EPHA7: variants seen among roughly 807,000 people sequenced by gnomAD.
EPHA7 encodes ephrin type-A receptor 7.
In EPHA7, 25 loss-of-function variants were observed where a neutral mutation model predicts 112.6. The observed-to-expected ratio is 0.22, with a 90% CI of 0.16 to 0.31. EPHA7 has a LOEUF of 0.31. EPHA7 is among the 10% of genes least tolerant of loss of function. The probability of loss-of-function intolerance (pLI) is 1.00; values close to 1 mark genes in which losing one functional copy is unlikely to be tolerated. For missense variants in EPHA7, 962 were observed against 1,212.6 expected (o/e 0.79, Z 3.07); for synonymous variants, 437 against 406.5 (o/e 1.07, Z -0.90).
In EPHA7 at chr6:93,249,906, G is replaced by A. The variant is rs183638418; in HGVS notation, c.2533-2921C>T. ...TTAAGTTTTTGTAGCACTGAACATA[G>A]GACCATTAAATGATTATTAGAAAAA... On this transcript the variant is annotated intron_variant, in intron 14 of 16. Coordinates refer to ENST00000369303, the MANE Select transcript of EPHA7 (RefSeq NM_004440.4). 3.1e-3 allele frequency among the ~76,000 whole-genome samples: 478 copies of A among 152,050 alleles called. 1 individual carries two copies. Among genetic ancestry groups the A allele is most frequent in the Non-Finnish European group, 5.7e-3 (386 of 67,982 alleles).
intron 5 of EPHA7, among the ~76,000 whole-genome samples, chr6:93,316,090 G>C (rs990824525): frequency 1.3e-5 from 2 of 152,154 alleles, no homozygotes; most frequent in Non-Finnish European, 2.9e-5. Context: ...AAATGAAATA[G>C]CTGTGCTAAC....
rs75438227 is a variant in EPHA7 at position 93,388,927 on chromosome 6, C to T, written c.832+21574G>A. On this transcript the variant is annotated intron_variant, in intron 3 of 16. Transcript: ENST00000369303. Reference sequence around the variant, plus strand: ...ATTGAATTTGCAATTTAAAAAATGACGCTGGAGAGTGAGTAGAAAAAATAA... The same window carrying T: ...ATTGAATTTGCAATTTAAAAAATGATGCTGGAGAGTGAGTAGAAAAAATAA... Among the ~76,000 whole-genome samples, 571 of 151,864 alleles carry T rather than the reference C, an allele frequency of 3.8e-3. 10 individuals are homozygous for T. Among genetic ancestry groups the T allele is most frequent in the East Asian group, 0.015 (75 of 5,162 alleles).
intron 5 of EPHA7, among the ~76,000 whole-genome samples, chr6:93,346,037 C>T (rs1189346288): frequency 2.0e-5 from 3 of 151,656 alleles, no homozygotes; most frequent in Admixed American, 2.0e-4. Context: ...CTTTCACCTA[C>T]ATTTCATAGC....
intron 15 of EPHA7, 92 bp downstream of exon 15, chr6:93,246,700 T>A: frequency 9.1e-7 from 1 of 1,103,236 alleles, no homozygotes; most frequent in South Asian, 1.7e-5. Flanking sequence ...AACACAAAAG[T>A]CAATTTGCCA....
At chr6:93,312,058 TA>T (rs1773569764) in intron 5 of EPHA7, among the ~76,000 whole-genome samples, 1 of 152,172 alleles carries the variant, frequency 6.6e-6, no homozygotes, top group Non-Finnish European at 1.5e-5. Flanking sequence ...ATTGATACAC[TA>T]ATAGAACACA....
At chr6:93,375,466 T>TA (rs1332459362) in intron 3 of EPHA7, among the ~76,000 whole-genome samples, 5 of 150,004 alleles carry the variant, frequency 3.3e-5, no homozygotes, top group Admixed American at 6.7e-5. Context: ...AAAATAAAAA[T>TA]AAAAAAAATA....
chr6:93,277,489 T>TA (rs887128907), intron 5 of EPHA7, among the ~76,000 whole-genome samples: 4 of 151,966 alleles, frequency 2.6e-5, no homozygotes, highest in African/African-American at 7.2e-5. Flanking sequence ...CAATTTTAGC[T>TA]AAAAAAATAA....
intron 3 of EPHA7, among the ~76,000 whole-genome samples, chr6:93,407,722 G>T (rs1778788874): frequency 6.6e-6 from 1 of 151,878 alleles, no homozygotes; most frequent in Non-Finnish European, 1.5e-5. Flanking sequence ...AGATGACAGT[G>T]GAGTAATTTT....
At chr6:93,288,104 C>G (rs150677752) in intron 5 of EPHA7, among the ~76,000 whole-genome samples, 1 of 152,080 alleles carries the variant, frequency 6.6e-6, no homozygotes, top group Non-Finnish European at 1.5e-5. Flanking sequence ...AATGAAAACA[C>G]AGGTCCACAC....
At chr6:93,291,767 CAAAAAAAAA>C (rs66483422) in intron 5 of EPHA7, among the ~76,000 whole-genome samples, 2 of 71,696 alleles carry the variant, frequency 2.8e-5, no homozygotes, top group Non-Finnish European at 4.9e-5. Context: ...GACTCCGTCT[CAAAAAAAAA>C]AAAAAAAAAA....
At chr6:93,248,405 G>C (rs891620304) in intron 14 of EPHA7, among the ~76,000 whole-genome samples, 2 of 151,890 alleles carry the variant, frequency 1.3e-5, no homozygotes, top group Admixed American at 1.3e-4. Context: ...AAAGTAAATA[G>C]ATGGACTTAG....
chr6:93,361,897 A>C (rs557814918), intron 3 of EPHA7, among the ~76,000 whole-genome samples: 1 of 152,112 alleles, frequency 6.6e-6, no homozygotes, highest in African/African-American at 2.4e-5. Context: ...TACAAAATAT[A>C]GCATTGTAAC....
chr6:93,419,192 G>A (rs1779404532), intron 1 of EPHA7, 53 bp downstream of exon 1: 1 of 1,481,328 alleles, frequency 6.8e-7, no homozygotes, highest in African/African-American at 1.4e-5. Context: ...GCTTGTGCAG[G>A]TAGACATCTA....
chr6:93,391,229 A>T (rs1251951330), intron 3 of EPHA7, among the ~76,000 whole-genome samples: 3 of 151,964 alleles, frequency 2.0e-5, no homozygotes, highest in Admixed American at 2.0e-4. Context: ...GTTCTGAAAG[A>T]TGGAACTACA....
chr6:93,314,982 C>A (rs1773729686), intron 5 of EPHA7, among the ~76,000 whole-genome samples: 1 of 148,140 alleles, frequency 6.8e-6, no homozygotes, highest in South Asian at 2.1e-4. Context: ...CCTGCCTCAG[C>A]CTCCCGAGTA....
At chr6:93,350,972 T>C (rs557809217) in intron 5 of EPHA7, among the ~76,000 whole-genome samples, 1 of 152,162 alleles carries the variant, frequency 6.6e-6, no homozygotes, top group African/African-American at 2.4e-5. Context: ...ATAATCACAC[T>C]CTGAATGCTG....
intron 3 of EPHA7, among the ~76,000 whole-genome samples, chr6:93,366,416 T>C (rs1004850941): frequency 5.3e-5 from 8 of 152,242 alleles, no homozygotes; most frequent in Non-Finnish European, 1.0e-4. Flanking sequence ...CTGCAAATGA[T>C]TGTTTATAAC....
chr6:93,416,521 G>A (rs1291259836), intron 1 of EPHA7, among the ~76,000 whole-genome samples: 1 of 152,156 alleles, frequency 6.6e-6, no homozygotes, highest in African/African-American at 2.4e-5. Flanking sequence ...AGTTAAGAGA[G>A]AAACAAACTA....
At chr6:93,399,492 T>A (rs1188283704) in intron 3 of EPHA7, among the ~76,000 whole-genome samples, 1 of 152,116 alleles carries the variant, frequency 6.6e-6, no homozygotes, top group Admixed American at 6.6e-5. Context: ...TTCTACAGGA[T>A]TTTTTAGCCT....
Sources: gnomAD v4.1 joint callset for allele counts (sites outside exome capture counted in the v4.1 genomes callset) on GRCh38, gnomAD v4.1.1 for gene constraint, MANE v1.5 for transcripts, NCBI Gene and HGNC (gene_info 2026-07-23, HGNC 2026-07-21) for gene names.